SUN1: variants seen among roughly 807,000 people sequenced by gnomAD.
The protein encoded by SUN1 is SUN domain-containing protein 1.
Under a neutral mutation model 103.2 loss-of-function variants are expected in SUN1, and 61 were observed. The observed-to-expected ratio is 0.59, with a 90% CI of 0.48 to 0.73. SUN1 has a LOEUF of 0.73. Among genes scored for constraint, SUN1 ranks in the 30% least tolerant of loss-of-function variants. The pLI is 0.00. For synonymous variants in SUN1, 490 were observed against 425.7 expected (o/e 1.15, Z -1.86); for missense variants, 1,052 against 1,034.6 (o/e 1.02, Z -0.23).
intron 15 of SUN1, among the ~76,000 whole-genome samples, chr7:864,982 A>C (rs574698123): frequency 6.0e-5 from 9 of 150,740 alleles, no homozygotes; most frequent in East Asian, 2.0e-4. Context: ...CTGAGCCCCA[A>C]CTCCCCTTCC....
At position 855,898 on chromosome 7, in the gene SUN1, T is replaced by G. The variant is rs7790484; in HGVS notation, c.1351-460T>G. On this transcript the variant is annotated intron_variant, in intron 11 of 18. Coordinates refer to ENST00000401592, the MANE Select transcript of SUN1 (RefSeq NM_001130965.3). ...CGCCCGAGAAGGTCTGTGGGGCGCC[T>G]CCTCCTCTGTCTGCCTGCCCTGGGC... 4.9e-3 allele frequency among the ~76,000 whole-genome samples: 739 copies of G among 152,202 alleles called. 1 individual carries two copies. The highest frequency in any genetic ancestry group is 0.013 in the African/African-American group (553 of 41,518).
At chr7:820,298 T>C (rs1478823551) in intron 1 of SUN1, among the ~76,000 whole-genome samples, 1 of 152,370 alleles carries the variant, frequency 6.6e-6, no homozygotes, top group East Asian at 1.9e-4. Flanking sequence ...ACTTCCTTGG[T>C]TAAATTTATT....
chr7:816,609 G>A (rs1332305910), upstream of SUN1: 3 of 394,978 alleles, frequency 7.6e-6, no homozygotes, highest in Non-Finnish European at 1.5e-5. Context: ...ATTGGCTGGC[G>A]TGGGCAGAGC....
At chr7:849,618 G>A (rs370344202) in intron 5 of SUN1, 17 of 1,497,152 alleles carry the variant, frequency 1.1e-5, no homozygotes, top group Middle Eastern at 1.8e-4. Context: ...GTATGGCTTC[G>A]TTTTCCTGTG....
intron 11 of SUN1, among the ~76,000 whole-genome samples, chr7:856,065 C>T (rs1826990685): frequency 6.6e-6 from 1 of 152,200 alleles, no homozygotes; most frequent in Admixed American, 6.5e-5. Context: ...TTAGAACACA[C>T]TCTGGAGGTG....
At chr7:869,151 C>T (rs1029587264) in intron 16 of SUN1, 198 bp from the exon 17 acceptor site, 26 of 621,594 alleles carry the variant, frequency 4.2e-5, no homozygotes, top group African/African-American at 4.1e-4. Flanking sequence ...TTTTATACAA[C>T]ATATGGGTTG....
intron 15 of SUN1, among the ~76,000 whole-genome samples, chr7:862,618 T>C (rs1393353377): frequency 6.6e-6 from 1 of 152,248 alleles, no homozygotes; most frequent in Non-Finnish European, 1.5e-5. Flanking sequence ...GAGGCATCAA[T>C]TGACATGAAC....
chr7:860,631 T>C (rs139121644), intron 14 of SUN1, among the ~76,000 whole-genome samples: 125 of 152,328 alleles, frequency 8.2e-4, no homozygotes, highest in African/African-American at 2.9e-3. Flanking sequence ...CTTTATACTT[T>C]GTGAATCTTT....
At chr7:817,468 T>G (rs572921625) in intron 1 of SUN1, 70 of 1,535,980 alleles carry the variant, frequency 4.6e-5, no homozygotes, top group Middle Eastern at 3.3e-4. Context: ...TGGGGAGGAT[T>G]TCTCCCGGCT....
At chr7:839,534 C>A (rs146287286) in intron 2 of SUN1, among the ~76,000 whole-genome samples, 6,039 of 55,908 alleles carry the variant, frequency 0.11, 483 homozygotes, top group East Asian at 0.22. Context: ...TACAGGCGCC[C>A]GCCACCACGC....
At chr7:828,156 G>A (rs964908885), upstream of SUN1, among the ~76,000 whole-genome samples, 11 of 151,188 alleles carry the variant, frequency 7.3e-5, no homozygotes, top group Non-Finnish European at 7.4e-5. Flanking sequence ...CACCCACCTC[G>A]CCCTCCCAAA....
Position 873,424 on chromosome 7 carries a change from G to C in SUN1, c.*93G>C. On this transcript the variant is annotated 3_prime_UTR_variant, in exon 19 of 19. Coordinates refer to ENST00000401592, the MANE Select transcript of SUN1 (RefSeq NM_001130965.3). The stretch of plus-strand genomic sequence containing the variant: ...ATGGACGAGGGCATATACAATGATG[G>C]GACAGTGCCACACTCCTTCAATAAA... The C allele has an allele frequency of 8.5e-7, 1 of 1,183,278 alleles. No homozygotes were observed. 73.3% of individuals were successfully genotyped at this position (1,183,278 alleles called of 1,614,324 possible).
At chr7:871,569 TA>T (rs1242191423) in intron 17 of SUN1, among the ~76,000 whole-genome samples, 2 of 152,188 alleles carry the variant, frequency 1.3e-5, no homozygotes, top group African/African-American at 4.8e-5. Context: ...TTGTAGTTTT[TA>T]GTAGAGACAG....
chr7:861,285 TA>T, intron 14 of SUN1, 94 bp from the exon 15 acceptor site: 1 of 1,226,574 alleles, frequency 8.2e-7, no homozygotes, highest in Non-Finnish European at 1.2e-6. Context: ...GAAGATGCTC[TA>T]ATGTAAGTGT....
chr7:842,255 T>G, intron 3 of SUN1, 125 bp downstream of exon 3: 2 of 1,051,724 alleles, frequency 1.9e-6, no homozygotes, highest in Non-Finnish European at 1.4e-6. Context: ...AGAGGGAGGC[T>G]GTGGCCACAT....
chr7:857,709 A>C, intron 12 of SUN1, 119 bp from the exon 13 acceptor site: 1 of 1,264,858 alleles, frequency 7.9e-7, no homozygotes, highest in Non-Finnish European at 1.0e-6. Context: ...GCACAGGATG[A>C]CATCTGTACA....
In SUN1 at chr7:842,200, G is replaced by T. The variant is rs563894707; in HGVS notation, c.451+70G>T. The T allele has an allele frequency of 1.8e-5, 28 of 1,535,366 alleles. No homozygotes were observed. The African/African-American group carries it at 3.8e-4, about 21-fold the overall frequency. On this transcript the variant is annotated intron_variant, in intron 3 of 18. Coordinates refer to ENST00000401592, the MANE Select transcript of SUN1 (RefSeq NM_001130965.3). ...GTTTCTCAGATTATGCTGGGGAGAG[G>T]GGAGGCGGTGGCCAGGTTGTCGGTT... is the stretch of plus-strand genomic sequence containing the variant.
Position 843,226 on chromosome 7 carries a change from C to T in SUN1, c.472C>T (p.Leu158Phe), listed in dbSNP as rs1174271854. ...HFWGLDDDGD[L>F]KGGNKAAIQG... ...TTTAGGTCTTGATGATGATGGTGATCTTAAAGGTAATTATTTTAGTCCTTT... is the reference window on the plus strand; with the variant it reads ...TTTAGGTCTTGATGATGATGGTGATTTTAAAGGTAATTATTTTAGTCCTTT... Residue 158 changes from leucine to phenylalanine, a missense_variant, in exon 4 of 19, where the codon CTT (leucine) becomes TTT (phenylalanine). Coordinates refer to ENST00000401592, the MANE Select transcript of SUN1 (RefSeq NM_001130965.3). The T allele has an allele frequency of 1.2e-6, 2 of 1,608,110 alleles. No homozygotes were observed. The highest frequency in any genetic ancestry group is 2.2e-5 in the East Asian group (1 of 44,834).
At chr7:824,751 C>T (rs1312638339) in intron 1 of SUN1, among the ~76,000 whole-genome samples, 4 of 151,962 alleles carry the variant, frequency 2.6e-5, no homozygotes, top group Non-Finnish European at 5.9e-5. Context: ...GTTGTTTCAT[C>T]ATTTCCAAAA....
Sources: gnomAD v4.1 joint callset for allele counts (sites outside exome capture counted in the v4.1 genomes callset) on GRCh38, gnomAD v4.1.1 for gene constraint, MANE v1.5 for transcripts, NCBI Gene and HGNC (gene_info 2026-07-23, HGNC 2026-07-21) for gene names.